Variants in CACNA2D3 observed in about 807,000 individuals in gnomAD.
CACNA2D3 encodes the protein voltage-dependent calcium channel subunit alpha-2/delta-3.
In CACNA2D3, 60 loss-of-function variants were observed where a neutral mutation model predicts 160.6. The observed-to-expected ratio is 0.37, with a 90% confidence interval of 0.30 to 0.46. CACNA2D3 has a LOEUF of 0.46. CACNA2D3 is among the 20% of genes least tolerant of loss of function. The probability of loss-of-function intolerance (pLI) is 1.00; values close to 1 mark genes in which losing one functional copy is unlikely to be tolerated. For missense variants in CACNA2D3, 1,205 were observed against 1,365.0 expected, an observed-to-expected ratio of 0.88 and a Z score of 1.85; for synonymous variants, 558 against 492.9, an observed-to-expected ratio of 1.13 and a Z score of -1.75.
chr3:54,367,227 T>C (rs184906909), intron 3 of CACNA2D3, among the ~76,000 whole-genome samples: 10 of 152,310 alleles, frequency 6.6e-5, no homozygotes, highest in Admixed American at 2.0e-4. Context: ...CCAATATTTC[T>C]GTGTGCTAAA....
intron 35 of CACNA2D3, among the ~76,000 whole-genome samples, chr3:55,067,953 G>A (rs553419394): frequency 1.3e-5 from 2 of 152,148 alleles, no homozygotes; most frequent in Non-Finnish European, 2.9e-5. Flanking sequence ...GAAAGAGGAC[G>A]GAGGATCTCC....
At position 54,430,082 on chromosome 3, in the gene CACNA2D3, A is replaced by G. The variant is rs528024726; in HGVS notation, c.381+43308A>G. 7.2e-5 allele frequency among the ~76,000 whole-genome samples: 11 copies of G among 152,340 alleles called. No individual in the cohort carries two copies. In the South Asian group the frequency reaches 2.3e-3, roughly 32 times the overall value. On this transcript the variant is annotated intron_variant, in intron 4 of 37. Coordinates refer to ENST00000474759, the MANE Select transcript of CACNA2D3 (RefSeq NM_018398.3). ...CAAAACACTTTCTGAGTTCCACCAT[A>G]GTATGAATTAATCATATTTAATGCT...
chr3:55,018,185 T>C, intron 34 of CACNA2D3, 21 bp from the exon 35 acceptor site: 1 of 1,525,878 alleles, frequency 6.6e-7, no homozygotes, highest in Non-Finnish European at 9.1e-7. Flanking sequence ...TTTACCTTTT[T>C]TTTTCCCACT....
chr3:54,578,340 T>A (rs1049600819), intron 8 of CACNA2D3, among the ~76,000 whole-genome samples: 5 of 152,130 alleles, frequency 3.3e-5, no homozygotes, highest in Non-Finnish European at 5.9e-5. Flanking sequence ...AAATCTTGAG[T>A]TGTAAATATA....
intron 13 of CACNA2D3, among the ~76,000 whole-genome samples, chr3:54,810,117 G>T (rs1044747827): frequency 1.3e-4 from 20 of 152,182 alleles, no homozygotes; most frequent in African/African-American, 4.3e-4. Context: ...GAGAATTGAC[G>T]TGAAGTTGTC....
At chr3:54,991,098 A>G (rs1399456758) in intron 31 of CACNA2D3, among the ~76,000 whole-genome samples, 1 of 152,122 alleles carries the variant, frequency 6.6e-6, no homozygotes, top group East Asian at 1.9e-4. Flanking sequence ...CTTGTCCTTG[A>G]CAGATCTTAC....
At chr3:54,890,998 G>A (rs1364615603) in intron 24 of CACNA2D3, among the ~76,000 whole-genome samples, 1 of 152,198 alleles carries the variant, frequency 6.6e-6, no homozygotes, top group Non-Finnish European at 1.5e-5. Flanking sequence ...TAACTGGCTA[G>A]TCCTTCCCAT....
intron 11 of CACNA2D3, among the ~76,000 whole-genome samples, chr3:54,700,152 C>G (rs144454877): frequency 1.3e-5 from 2 of 152,306 alleles, no homozygotes; most frequent in East Asian, 3.9e-4. Context: ...AGTGATAGAT[C>G]CAGAATTTGA....
intron 34 of CACNA2D3, among the ~76,000 whole-genome samples, chr3:55,013,319 A>C (rs1486553245): frequency 6.6e-6 from 1 of 152,228 alleles, no homozygotes; most frequent in Non-Finnish European, 1.5e-5. Context: ...TAATGACGAC[A>C]GCGAGAGCTG....
chr3:54,747,650 G>T (rs1019023200), intron 11 of CACNA2D3, among the ~76,000 whole-genome samples: 10 of 152,032 alleles, frequency 6.6e-5, no homozygotes, highest in African/African-American at 1.9e-4. Flanking sequence ...TTAATTTCCT[G>T]CAACCTCTGC....
chr3:54,842,892 C>T (rs1235475074), intron 16 of CACNA2D3, among the ~76,000 whole-genome samples: 6 of 151,850 alleles, frequency 4.0e-5, no homozygotes, highest in African/African-American at 1.5e-4. Context: ...TGAGCCACTG[C>T]GCCCGACCAC....
At chr3:54,759,676 C>G (rs1175716100) in intron 12 of CACNA2D3, among the ~76,000 whole-genome samples, 5 of 152,154 alleles carry the variant, frequency 3.3e-5, no homozygotes, top group Admixed American at 6.5e-5. Flanking sequence ...TTGAGTAGAT[C>G]TTTGTTGTTG....
At chr3:54,502,443 A>G (rs938658344) in intron 4 of CACNA2D3, among the ~76,000 whole-genome samples, 2 of 152,120 alleles carry the variant, frequency 1.3e-5, no homozygotes, top group Non-Finnish European at 2.9e-5. Flanking sequence ...TTCTGTTACA[A>G]TGTTTTTGAT....
chr3:54,992,514 C>A (rs140755483), intron 31 of CACNA2D3, among the ~76,000 whole-genome samples: 2 of 152,078 alleles, frequency 1.3e-5, no homozygotes, highest in Non-Finnish European at 2.9e-5. Flanking sequence ...GAGCTCCTGG[C>A]GGTCCTCTCT....
intron 35 of CACNA2D3, among the ~76,000 whole-genome samples, chr3:55,059,853 C>G (rs1478760698): frequency 1.3e-5 from 2 of 152,030 alleles, no homozygotes; most frequent in Non-Finnish European, 2.9e-5. Context: ...CACACCCGTT[C>G]TCCTCTCCAA....
chr3:54,226,276 A>G (rs1305983662), intron 2 of CACNA2D3, among the ~76,000 whole-genome samples: 5 of 147,276 alleles, frequency 3.4e-5, no homozygotes, highest in Non-Finnish European at 5.9e-5. Context: ...CTGTAAGGTT[A>G]TCCTCTCTGC....
At chr3:54,918,771 C>G (rs753428411) in intron 27 of CACNA2D3, 2 of 1,613,958 alleles carry the variant, frequency 1.2e-6, no homozygotes, top group African/African-American at 1.3e-5. Flanking sequence ...ACTGAGCCTG[C>G]GAGGACACTG....
chr3:54,324,399 T>A (rs939653012), intron 3 of CACNA2D3, among the ~76,000 whole-genome samples: 1 of 152,222 alleles, frequency 6.6e-6, no homozygotes, highest in African/African-American at 2.4e-5. Context: ...ACATAACCCC[T>A]GTCATCTCAT....
intron 2 of CACNA2D3, among the ~76,000 whole-genome samples, chr3:54,253,224 G>T (rs1018587363): frequency 1.1e-4 from 16 of 151,984 alleles, no homozygotes; most frequent in Admixed American, 5.2e-4. Context: ...GTATGGGTGG[G>T]TCTCTATTAG....
Sources: allele counts gnomAD v4.1 joint callset (sites outside exome capture counted in the v4.1 genomes callset), GRCh38; gene constraint gnomAD v4.1.1; transcripts MANE v1.5; gene names NCBI Gene and HGNC (gene_info 2026-07-23, HGNC 2026-07-21).